AFAP1L2: variants seen among roughly 807,000 people sequenced by gnomAD.
AFAP1L2 encodes the protein actin filament associated protein 1 like 2, also known as actin filament-associated protein 1-like 2.
AFAP1L2 carries 46 observed loss-of-function variants against 99.3 expected under a neutral mutation model. The ratio of observed to expected loss-of-function variants is 0.46; its 90% CI spans 0.37 to 0.59. The LOEUF is 0.59. Among genes scored for constraint, AFAP1L2 ranks in the 20% least tolerant of loss-of-function variants. The probability of loss-of-function intolerance (pLI) is 0.00; values close to 1 mark genes in which losing one functional copy is unlikely to be tolerated. For synonymous variants in AFAP1L2, 397 were observed against 419.1 expected, an observed-to-expected ratio of 0.95 and a Z score of 0.64; for missense variants, 959 against 1,034.9, an observed-to-expected ratio of 0.93 and a Z score of 1.01.
At position 114,300,550 on chromosome 10, in the gene AFAP1L2, C is replaced by G. The variant is rs146069194; in HGVS notation, c.1683G>C (p.Thr561=). The stretch of plus-strand genomic sequence containing the variant: ...CAGTTGCATTGTCCAGGCAGGACAA[C>G]GTCGGGGAGGAGGCCTGGGCCTGTG... The part of the protein sequence containing the change: ...SSAQAQASSP[T]LSCLDNATEA... Residue 561 remains threonine (T), a synonymous_variant, in exon 14 of 19, where the codon ACG becomes ACC. Coordinates refer to ENST00000304129, the MANE Select transcript of AFAP1L2 (RefSeq NM_001001936.3). The G allele has an allele frequency of 6.2e-7, 1 of 1,614,164 alleles. No individual in the cohort carries two copies. The highest frequency in any genetic ancestry group is 1.7e-5 in the Admixed American group (1 of 60,030).
At chr10:114,281,636 G>T in the AFAP1L2 span, 1 of 664,620 alleles carries the variant, frequency 1.5e-6, no homozygotes, top group Non-Finnish European at 1.9e-6. Context: ...TACATGTCTT[G>T]ACCTGCAGAG....
At chr10:114,323,093 AC>A (rs2045634207) in intron 5 of AFAP1L2, 77 bp downstream of exon 5, 2 of 1,308,878 alleles carry the variant, frequency 1.5e-6, no homozygotes, top group African/African-American at 1.5e-5. Context: ...TGTATCTGTT[AC>A]CCCCAGGTAA....
chr10:114,334,540 C>A (rs1332606317), intron 2 of AFAP1L2, among the ~76,000 whole-genome samples: 1 of 152,220 alleles, frequency 6.6e-6, no homozygotes. Context: ...AAAGCAGGGA[C>A]CCGAGAGCCA....
At chr10:114,304,645 C>T in intron 11 of AFAP1L2, 74 bp downstream of exon 11, 1 of 1,368,056 alleles carries the variant, frequency 7.3e-7, no homozygotes. Context: ...GCATTACAGT[C>T]CTGGAGACTG....
At chr10:114,389,540 C>G (rs973372523) in intron 1 of AFAP1L2, among the ~76,000 whole-genome samples, 4 of 152,228 alleles carry the variant, frequency 2.6e-5, no homozygotes, top group Admixed American at 1.3e-4. Context: ...CATTTGGACG[C>G]TGGCTGTCAG....
chr10:114,296,808 C>CAGAG, intron 18 of AFAP1L2, 170 bp downstream of exon 18: 1 of 1,140,860 alleles, frequency 8.8e-7, no homozygotes, highest in Non-Finnish European at 1.2e-6. Flanking sequence ...TGGTCAGTGC[C>CAGAG]AGAGACTGAG....
At chr10:114,393,167 T>G (rs1281192183) in intron 1 of AFAP1L2, among the ~76,000 whole-genome samples, 1 of 152,050 alleles carries the variant, frequency 6.6e-6, no homozygotes, top group African/African-American at 2.4e-5. Context: ...TTGGATCACT[T>G]TTGCTCTGAG....
chr10:114,339,594 A>C (rs1017022222), intron 2 of AFAP1L2, among the ~76,000 whole-genome samples: 2 of 152,224 alleles, frequency 1.3e-5, no homozygotes, highest in African/African-American at 4.8e-5. Flanking sequence ...TCATATATTA[A>C]ATCCTAGCAC....
At chr10:114,327,149 A>ATATATATATATT (rs2046433745) in intron 4 of AFAP1L2, among the ~76,000 whole-genome samples, 1 of 11,316 alleles carries the variant, frequency 8.8e-5, no homozygotes, top group East Asian at 3.9e-3. Context: ...ATATATATTT[A>ATATATATATATT]TATATATATA....
Position 114,340,598 on chromosome 10 carries a change from C to T in AFAP1L2, c.145+5G>A. 2 of 1,613,628 alleles carry T rather than the reference C, an allele frequency of 1.2e-6. No individual in the cohort carries two copies. Among genetic ancestry groups the T allele is most frequent in the Non-Finnish European group, 1.7e-6 (2 of 1,179,698 alleles). On this transcript the variant is annotated splice_donor_5th_base_variant and intron_variant, in intron 2 of 18. Coordinates refer to ENST00000304129, the MANE Select transcript of AFAP1L2 (RefSeq NM_001001936.3). ...GCCTCTGCACCACCCAGGGCCCACA[C>T]TCACTGCTGCTTTTGGTGTAAAGCC...
chr10:114,381,865 G>C (rs937459346), intron 1 of AFAP1L2, among the ~76,000 whole-genome samples: 9 of 116,244 alleles, frequency 7.7e-5, no homozygotes, highest in Admixed American at 2.8e-4. Flanking sequence ...CATATGAAGA[G>C]AGTGTACACA....
At chr10:114,328,977 A>C (rs2046845172) in intron 4 of AFAP1L2, among the ~76,000 whole-genome samples, 1 of 152,208 alleles carries the variant, frequency 6.6e-6, no homozygotes, top group African/African-American at 2.4e-5. Context: ...GGTCCTTCAC[A>C]GCAGAGAAAG....
At chr10:114,385,858 G>C (rs1209486052) in intron 1 of AFAP1L2, among the ~76,000 whole-genome samples, 1 of 152,134 alleles carries the variant, frequency 6.6e-6, no homozygotes, top group Non-Finnish European at 1.5e-5. Flanking sequence ...AACCCTTCTG[G>C]TGTTTAGCCA....
chr10:114,302,604 C>T (rs962079621), intron 11 of AFAP1L2, 120 bp from the exon 12 acceptor site: 2 of 1,243,568 alleles, frequency 1.6e-6, no homozygotes, highest in South Asian at 1.4e-5. Flanking sequence ...GCCTCTGTAA[C>T]AGCCCGGGGC....
At chr10:114,321,513 C>A (rs1242053849) in intron 5 of AFAP1L2, among the ~76,000 whole-genome samples, 4 of 152,186 alleles carry the variant, frequency 2.6e-5, no homozygotes, top group Non-Finnish European at 5.9e-5. Context: ...TGGTTGATGG[C>A]ACTTAGGTTG....
intron 4 of AFAP1L2, among the ~76,000 whole-genome samples, chr10:114,325,309 C>A (rs946939154): frequency 6.6e-6 from 1 of 152,214 alleles, no homozygotes; most frequent in Admixed American, 6.5e-5. Context: ...TCCACAGTCC[C>A]AGGGTCTGCA....
At chr10:114,358,830 G>A (rs1042428358) in intron 1 of AFAP1L2, among the ~76,000 whole-genome samples, 53 of 152,196 alleles carry the variant, frequency 3.5e-4, no homozygotes, top group Admixed American at 1.4e-3. Flanking sequence ...CAGGAGAATC[G>A]CTTGAACCCG....
intron 1 of AFAP1L2, among the ~76,000 whole-genome samples, chr10:114,391,009 T>C (rs1465945824): frequency 2.0e-5 from 3 of 152,158 alleles, no homozygotes; most frequent in African/African-American, 2.4e-5. Context: ...TGTACATTCA[T>C]GCCTTTTTCT....
rs188268729 is a variant in AFAP1L2 at position 114,315,846 on chromosome 10, C to A, written c.407-81G>T. On this transcript the variant is annotated intron_variant, in intron 5 of 18. Transcript: ENST00000304129. ...CAGCATCGCTGGGGAGGGCAGCAGG[C>A]AGGAGCAGCAGCAGCCAGACCACAG... The A allele has an allele frequency of 2.1e-3, 2,916 of 1,363,330 alleles. 6 individuals carry two copies. Among genetic ancestry groups the A allele is most frequent in the Non-Finnish European group, 2.8e-3 (2,725 of 989,752 alleles). 84.5% of individuals were successfully genotyped at this position (1,363,330 alleles called of 1,614,324 possible).
Sources: allele counts gnomAD v4.1 joint callset (sites outside exome capture counted in the v4.1 genomes callset), GRCh38; gene constraint gnomAD v4.1.1; transcripts MANE v1.5; gene names NCBI Gene and HGNC (gene_info 2026-07-23, HGNC 2026-07-21).